The following TXNRD2 variants were observed in gnomAD, a reference collection of about 807,000 sequenced individuals.
TXNRD2 encodes the protein thioredoxin reductase 2, mitochondrial.
Under a neutral mutation model 70.8 loss-of-function variants are expected in TXNRD2, and 67 were observed. The observed-to-expected ratio is 0.95, with a 90% CI of 0.78 to 1.16. The LOEUF is 1.16. Ranked by LOEUF, TXNRD2 falls within the 50% of genes most tolerant of loss-of-function variation. The pLI is 0.00. For missense variants in TXNRD2, 644 were observed against 719.9 expected (o/e 0.89, Z 1.21); for synonymous variants, 301 against 295.8 (o/e 1.02, Z -0.18).
intron 11 of TXNRD2, among the ~76,000 whole-genome samples, chr22:19,890,952 C>CTGG: frequency 6.6e-6 from 1 of 152,190 alleles, no homozygotes; most frequent in South Asian, 2.1e-4. Context: ...CTCCTGGGCA[C>CTGG]CCCAGTCTCT....
chr22:19,897,670 G>A (rs2145975490), intron 10 of TXNRD2, among the ~76,000 whole-genome samples: 1 of 152,288 alleles, frequency 6.6e-6, no homozygotes, highest in South Asian at 2.1e-4. Context: ...ACAGGCAAGG[G>A]GAGAGCAGGG....
At chr22:19,918,093 C>T in intron 5 of TXNRD2, 50 bp downstream of exon 5, 2 of 1,524,654 alleles carry the variant, frequency 1.3e-6, no homozygotes, top group Non-Finnish European at 1.8e-6. Flanking sequence ...GCACAGAACG[C>T]CCAAGAGAAG....
At chr22:19,879,064 C>T (rs1290765794) in intron 14 of TXNRD2, among the ~76,000 whole-genome samples, 1 of 152,236 alleles carries the variant, frequency 6.6e-6, no homozygotes, top group East Asian at 1.9e-4. Context: ...AGAAAACAAA[C>T]AGAGTATTTG....
intron 8 of TXNRD2, among the ~76,000 whole-genome samples, chr22:19,909,654 TTCACACACACACCAC>T (rs1429623559): frequency 5.2e-5 from 2 of 38,594 alleles, no homozygotes; most frequent in African/African-American, 1.1e-4. Flanking sequence ...ACACACACCA[TTCACACACACACCAC>T]TCACACACAC....
At chr22:19,916,640 C>T (rs1308178971) in intron 5 of TXNRD2, among the ~76,000 whole-genome samples, 2 of 145,120 alleles carry the variant, frequency 1.4e-5, no homozygotes, top group East Asian at 2.0e-4. Flanking sequence ...CCGCGCCCCA[C>T]CCTTTTTTTT....
At chr22:19,921,047 C>A (rs977525341) in intron 2 of TXNRD2, among the ~76,000 whole-genome samples, 35 of 138,506 alleles carry the variant, frequency 2.5e-4, no homozygotes, top group African/African-American at 1.1e-3. Context: ...GCGGAGCTTG[C>A]AGTGAGCCGA....
intron 8 of TXNRD2, 99 bp downstream of exon 8, chr22:19,911,278 A>T (rs935882975): frequency 2.0e-6 from 2 of 1,009,730 alleles, no homozygotes; most frequent in Non-Finnish European, 3.1e-6. Flanking sequence ...TAAACCGGAA[A>T]GAAAGCCCCA....
At chr22:19,877,983 C>T in intron 16 of TXNRD2, 107 bp downstream of exon 16, 1 of 965,968 alleles carries the variant, frequency 1.0e-6, no homozygotes, top group Non-Finnish European at 1.6e-6. Flanking sequence ...CCACGAAGGC[C>T]ACATAAATGC....
chr22:19,903,116 G>A (rs1398055491), intron 8 of TXNRD2: 6 of 493,800 alleles, frequency 1.2e-5, no homozygotes, highest in East Asian at 5.6e-5. Context: ...GCTGGCTGCA[G>A]CCCCTCCCCC....
intron 1 of TXNRD2, among the ~76,000 whole-genome samples, chr22:19,932,013 T>C (rs1941380522): frequency 6.6e-6 from 1 of 151,240 alleles, no homozygotes; most frequent in African/African-American, 2.4e-5. Context: ...ACAAAAAAAT[T>C]AGCCGGGCAT....
chr22:19,934,397 A>C (rs574928758), intron 1 of TXNRD2, among the ~76,000 whole-genome samples: 1 of 151,344 alleles, frequency 6.6e-6, no homozygotes, highest in Admixed American at 6.6e-5. Context: ...AAAAAAAAAA[A>C]AAAACTGCAC....
At chr22:19,916,003 G>A in intron 5 of TXNRD2, 160 bp from the exon 6 acceptor site, 2 of 664,960 alleles carry the variant, frequency 3.0e-6, no homozygotes, top group Admixed American at 2.3e-5. Flanking sequence ...ATGCTGAGAA[G>A]CATGGAGGGG....
At chr22:19,911,290 G>A in intron 8 of TXNRD2, 87 bp downstream of exon 8, 4 of 1,100,674 alleles carry the variant, frequency 3.6e-6, no homozygotes, top group East Asian at 2.4e-5. Context: ...AAAGCCCCAG[G>A]AGCCCAGCAC....
intron 11 of TXNRD2, among the ~76,000 whole-genome samples, chr22:19,884,857 C>T (rs1054595498): frequency 2.0e-5 from 3 of 152,194 alleles, no homozygotes; most frequent in Admixed American, 6.5e-5. Context: ...CTCCCACCTG[C>T]TCTGTGCTGC....
chr22:19,920,936 A>G (rs1044167427), intron 2 of TXNRD2, among the ~76,000 whole-genome samples: 7 of 151,616 alleles, frequency 4.6e-5, no homozygotes, highest in Non-Finnish European at 7.4e-5. Context: ...CCCTGTCTCT[A>G]CTAAAAAATA....
At chr22:19,935,446 A>G (rs1380120246) in intron 1 of TXNRD2, among the ~76,000 whole-genome samples, 2 of 152,238 alleles carry the variant, frequency 1.3e-5, no homozygotes, top group African/African-American at 4.8e-5. Context: ...ACAGCTGAAC[A>G]TAGACCCTTA....
intron 2 of TXNRD2, among the ~76,000 whole-genome samples, chr22:19,921,221 C>T (rs185496580): frequency 6.6e-6 from 1 of 151,886 alleles, no homozygotes. Context: ...TTGAGACCAG[C>T]CTGGGCAATA....
chr22:19,906,494 C>T (rs1281321817), intron 8 of TXNRD2, among the ~76,000 whole-genome samples: 1 of 151,974 alleles, frequency 6.6e-6, no homozygotes, highest in African/African-American at 2.4e-5. Context: ...TGGTGGCGAG[C>T]GCCTGTAATC....
At chr22:19,899,241 TG>T (rs1939661119) in intron 8 of TXNRD2, among the ~76,000 whole-genome samples, 173 bp from the exon 9 acceptor site, 1 of 152,230 alleles carries the variant, frequency 6.6e-6, no homozygotes, top group Non-Finnish European at 1.5e-5. Flanking sequence ...AAGGCTACAC[TG>T]TCAAGCATGT....
Sources: gnomAD v4.1 joint callset for allele counts (sites outside exome capture counted in the v4.1 genomes callset) on GRCh38, gnomAD v4.1.1 for gene constraint, MANE v1.5 for transcripts, NCBI Gene and HGNC (gene_info 2026-07-23, HGNC 2026-07-21) for gene names.